The following PDE1C variants were observed in gnomAD, a reference collection of about 807,000 sequenced individuals.
The protein encoded by PDE1C is phosphodiesterase 1C, also known as dual specificity calcium/calmodulin-dependent 3',5'-cyclic nucleotide phosphodiesterase 1C.
In PDE1C, 62 loss-of-function variants were observed where a neutral mutation model predicts 93.1. The observed-to-expected ratio is 0.67, with a 90% CI of 0.54 to 0.82. PDE1C has a LOEUF of 0.82. Among genes scored for constraint, PDE1C ranks in the 40% least tolerant of loss-of-function variants. The pLI is 0.00. For synonymous variants in PDE1C, 325 were observed against 310.1 expected (o/e 1.05, Z -0.50); for missense variants, 742 against 884.6 (o/e 0.84, Z 2.04).
chr7:31,744,467 G>A, the PDE1C span, among the ~76,000 whole-genome samples: 1 of 152,086 alleles, frequency 6.6e-6, no homozygotes, highest in African/African-American at 2.4e-5. Flanking sequence ...GCCTCTACAG[G>A]ACACCAGGTG....
At chr7:31,625,819 CTTT>C in the PDE1C span, among the ~76,000 whole-genome samples, 2 of 149,790 alleles carry the variant, frequency 1.3e-5, no homozygotes, top group Non-Finnish European at 3.0e-5. Context: ...CTTAGAATGT[CTTT>C]TTTTTTAAAT....
intron 1 of PDE1C, among the ~76,000 whole-genome samples, chr7:32,362,235 T>C (rs1784150194): frequency 6.6e-6 from 1 of 152,002 alleles, no homozygotes; most frequent in African/African-American, 2.4e-5. Context: ...GGATGGAGTG[T>C]GTGTGTGGTG....
chr7:32,171,521 T>C (rs894225666), intron 2 of PDE1C, among the ~76,000 whole-genome samples: 4 of 149,126 alleles, frequency 2.7e-5, no homozygotes, highest in Admixed American at 2.7e-4. Flanking sequence ...AATTAAATTA[T>C]TAAAATTAAT....
chr7:31,949,013 C>G (rs1299953101), intron 2 of PDE1C, among the ~76,000 whole-genome samples: 1 of 152,192 alleles, frequency 6.6e-6, no homozygotes, highest in Non-Finnish European at 1.5e-5. Context: ...GTGAGGCTGA[C>G]ACACTGTCTC....
At position 31,873,285 on chromosome 7, in the gene PDE1C, T is replaced by G; in HGVS notation, c.609+7A>C. 6.5e-7 allele frequency: 1 copy of G among 1,527,678 alleles called. No individual in the cohort carries two copies. The highest frequency in any genetic ancestry group is 9.1e-7 in the Non-Finnish European group (1 of 1,103,650). The allele number at this position is 1,527,678 out of a possible 1,614,324, so 94.6% of individuals were successfully genotyped here. On this transcript the variant is annotated splice_region_variant and intron_variant, in intron 6 of 17. Coordinates refer to ENST00000396191, the MANE Select transcript of PDE1C (RefSeq NM_001191057.4). Reference sequence around the variant, plus strand: ...TATTTATTTTTTCTTTTTAAAGAGGTACTGACCTTGAAACGGCTGATCAGA... The same window carrying G: ...TATTTATTTTTTCTTTTTAAAGAGGGACTGACCTTGAAACGGCTGATCAGA...
At chr7:31,656,300 T>C in the PDE1C span, 1 of 182,346 alleles carries the variant, frequency 5.5e-6, no homozygotes, top group Non-Finnish European at 1.0e-5. Context: ...TTATCATGTG[T>C]GACCTCGGGC....
At chr7:32,301,771 A>G (rs1356834233), upstream of PDE1C, among the ~76,000 whole-genome samples, 1 of 152,220 alleles carries the variant, frequency 6.6e-6, no homozygotes, top group Non-Finnish European at 1.5e-5. Context: ...GAAGTAAGAA[A>G]ACTAAACCAA....
chr7:31,695,494 G>C, the PDE1C span: 3 of 1,612,448 alleles, frequency 1.9e-6, no homozygotes, highest in Non-Finnish European at 2.5e-6. Flanking sequence ...AGTTCATTAA[G>C]GACTGTGATC....
intron 1 of PDE1C, among the ~76,000 whole-genome samples, chr7:32,336,409 TG>T (rs1783626442): frequency 1.3e-5 from 2 of 152,298 alleles, no homozygotes; most frequent in South Asian, 2.1e-4. Flanking sequence ...TTTTACCGCA[TG>T]TTGCCCTTAT....
At chr7:32,225,223 C>T (rs1035324586) in intron 1 of PDE1C, among the ~76,000 whole-genome samples, 1 of 152,094 alleles carries the variant, frequency 6.6e-6, no homozygotes, top group African/African-American at 2.4e-5. Context: ...GGTGAGGCAG[C>T]CTGTGCTTTT....
At chr7:32,170,648 A>G (rs975934277) in intron 2 of PDE1C, among the ~76,000 whole-genome samples, 14 of 152,118 alleles carry the variant, frequency 9.2e-5, no homozygotes, top group Non-Finnish European at 1.8e-4. Context: ...AGCTTCCACA[A>G]ACTTCATGCT....
intron 1 of PDE1C, among the ~76,000 whole-genome samples, chr7:32,223,581 G>A (rs936933447): frequency 6.6e-6 from 1 of 152,202 alleles, no homozygotes; most frequent in Non-Finnish European, 1.5e-5. Context: ...TGACCATCCC[G>A]TCTCAAGCAC....
chr7:31,623,504 G>A, the PDE1C span, among the ~76,000 whole-genome samples: 14 of 151,608 alleles, frequency 9.2e-5, no homozygotes, highest in Admixed American at 6.6e-4. Flanking sequence ...AGACAAAAAT[G>A]ACACGATTAT....
chr7:32,045,238 G>A (rs963507801), intron 2 of PDE1C, among the ~76,000 whole-genome samples: 2 of 151,830 alleles, frequency 1.3e-5, no homozygotes, highest in Non-Finnish European at 2.9e-5. Flanking sequence ...AAATTGTAGT[G>A]CTTTTTGGCC....
intron 1 of PDE1C, among the ~76,000 whole-genome samples, chr7:32,258,754 C>T (rs1033956261): frequency 6.6e-6 from 1 of 152,196 alleles, no homozygotes; most frequent in Non-Finnish European, 1.5e-5. Context: ...TTAAGCTTGC[C>T]GCCTTCTGTG....
intron 2 of PDE1C, among the ~76,000 whole-genome samples, chr7:31,944,007 G>C (rs149637917): frequency 1.3e-5 from 2 of 152,220 alleles, no homozygotes; most frequent in African/African-American, 4.8e-5. Context: ...CTAACTGTAG[G>C]CAAGCAGAGC....
At chr7:31,841,133 TTA>T (rs1293597521) in intron 9 of PDE1C, among the ~76,000 whole-genome samples, 2 of 151,886 alleles carry the variant, frequency 1.3e-5, no homozygotes, top group South Asian at 2.1e-4. Context: ...ACTAAGTATT[TTA>T]TATGTTATGT....
At chr7:32,297,961 C>CTCTCTCTCA (rs1812688658) in intron 1 of PDE1C, among the ~76,000 whole-genome samples, 1 of 11,270 alleles carries the variant, frequency 8.9e-5, no homozygotes, top group Non-Finnish European at 4.3e-4. Flanking sequence ...TTCAATCTCT[C>CTCTCTCTCA]TCTCTCTCTC....
the PDE1C span, among the ~76,000 whole-genome samples, chr7:31,684,992 C>A: frequency 6.6e-6 from 1 of 152,118 alleles, no homozygotes; most frequent in African/African-American, 2.4e-5. Context: ...ACATTGGTAA[C>A]AATCCAGGTG....
Sources: allele counts gnomAD v4.1 joint callset (sites outside exome capture counted in the v4.1 genomes callset), GRCh38; gene constraint gnomAD v4.1.1; transcripts MANE v1.5; gene names NCBI Gene and HGNC (gene_info 2026-07-23, HGNC 2026-07-21).